The following BMPER variants were observed in gnomAD, a reference collection of about 807,000 sequenced individuals.
BMPER encodes the protein BMP-binding endothelial regulator protein.
BMPER carries 45 observed loss-of-function variants against 87.3 expected under a neutral mutation model. That is an observed-to-expected ratio of 0.52 (90% CI 0.41 to 0.66). The LOEUF is 0.66. Ranked by LOEUF, BMPER falls within the 30% of genes least tolerant of loss-of-function variation. The pLI is 0.00. For synonymous variants in BMPER, 326 were observed against 316.2 expected (o/e 1.03, Z -0.33); for missense variants, 784 against 867.5 (o/e 0.90, Z 1.21).
chr7:34,112,043 C>A (rs1371035844), intron 13 of BMPER, among the ~76,000 whole-genome samples: 3 of 152,136 alleles, frequency 2.0e-5, no homozygotes, highest in African/African-American at 7.2e-5. Flanking sequence ...CCATTGTTTT[C>A]TAGCATTTAT....
rs1035531740 is a variant in BMPER, at chr7:34,153,400, A to G, written c.*127A>G. On this transcript the variant is annotated 3_prime_UTR_variant, in exon 15 of 15. Transcript: ENST00000649409. ...ACACACACACAGAGTATATATGTGT[A>G]TATATATATAGATATATTCAAAAAC... is the stretch of plus-strand genomic sequence containing the variant. The G allele has an allele frequency of 8.7e-6, 7 of 809,220 alleles. No homozygotes were observed. The highest frequency in any genetic ancestry group is 5.2e-5 in the African/African-American group (3 of 58,030). 50.1% of individuals were successfully genotyped at this position (809,220 alleles called of 1,614,324 possible). A position where few individuals can be genotyped will look rare whatever the true frequency, so the allele number is the denominator to read the frequency against.
chr7:33,958,638 A>G (rs903969128), intron 3 of BMPER, among the ~76,000 whole-genome samples: 3 of 152,226 alleles, frequency 2.0e-5, no homozygotes, highest in African/African-American at 7.2e-5. Context: ...GCACAACTCA[A>G]ATAGTGAATG....
chr7:34,139,580 C>T (rs4141793), intron 13 of BMPER, among the ~76,000 whole-genome samples: 111,152 of 151,728 alleles, frequency 0.73, 41,652 homozygotes, highest in East Asian at 0.91. Flanking sequence ...GTAGAAAATA[C>T]AGGTAAGAAA....
At chr7:34,086,259 C>T (rs143247620) in intron 13 of BMPER, among the ~76,000 whole-genome samples, 167 bp downstream of exon 13, 41 of 152,322 alleles carry the variant, frequency 2.7e-4, no homozygotes, top group Non-Finnish European at 4.3e-4. Context: ...CAGCCCCATT[C>T]TAGGTCCCAA....
chr7:34,049,398 A>T (rs1788082653), intron 7 of BMPER, among the ~76,000 whole-genome samples: 1 of 152,216 alleles, frequency 6.6e-6, no homozygotes, highest in Admixed American at 6.5e-5. Context: ...GGATAAGCAC[A>T]TTGAAGAGTC....
intron 3 of BMPER, among the ~76,000 whole-genome samples, chr7:33,942,825 A>G (rs1289011514): frequency 6.6e-6 from 1 of 152,220 alleles, no homozygotes; most frequent in Non-Finnish European, 1.5e-5. Flanking sequence ...GAATGATTAA[A>G]AAAGAAATAA....
At chr7:33,912,842 C>T (rs1407780051) in intron 2 of BMPER, among the ~76,000 whole-genome samples, 1 of 152,152 alleles carries the variant, frequency 6.6e-6, no homozygotes, top group African/African-American at 2.4e-5. Context: ...TATAAAACAC[C>T]ACTCAAGGCA....
At chr7:34,097,735 G>T (rs1178622263) in intron 13 of BMPER, among the ~76,000 whole-genome samples, 2 of 152,004 alleles carry the variant, frequency 1.3e-5, no homozygotes, top group Non-Finnish European at 2.9e-5. Flanking sequence ...GGATCATGTG[G>T]GTGCCCAGAT....
At chr7:34,017,109 G>T (rs1418411459) in intron 6 of BMPER, among the ~76,000 whole-genome samples, 1 of 151,880 alleles carries the variant, frequency 6.6e-6, no homozygotes, top group Non-Finnish European at 1.5e-5. Flanking sequence ...GACTATGCTG[G>T]TTCTGTAGAG....
intron 2 of BMPER, among the ~76,000 whole-genome samples, chr7:33,908,168 C>T (rs74440882): frequency 5.9e-5 from 9 of 152,084 alleles, no homozygotes; most frequent in Non-Finnish European, 1.2e-4. Context: ...TAAATTTTGA[C>T]TCAGTTGTAG....
chr7:34,116,892 A>C (rs1790131441), intron 13 of BMPER, among the ~76,000 whole-genome samples: 1 of 152,104 alleles, frequency 6.6e-6, no homozygotes, highest in Admixed American at 6.6e-5. Context: ...TGGGAGGCTG[A>C]GGCAGGAGAA....
At chr7:34,146,239 C>T (rs1489694979) in intron 14 of BMPER, among the ~76,000 whole-genome samples, 1 of 152,072 alleles carries the variant, frequency 6.6e-6, no homozygotes, top group Non-Finnish European at 1.5e-5. Flanking sequence ...CACGACGGCA[C>T]TTGAGGCCAC....
intron 11 of BMPER, among the ~76,000 whole-genome samples, chr7:34,068,933 C>T (rs1788664976): frequency 6.6e-6 from 1 of 152,170 alleles, no homozygotes; most frequent in African/African-American, 2.4e-5. Context: ...TCTCCTAATC[C>T]AGTATTCATT....
At chr7:33,906,736 G>A in intron 1 of BMPER, 82 bp from the exon 2 acceptor site, 1 of 1,260,824 alleles carries the variant, frequency 7.9e-7, no homozygotes, top group South Asian at 1.2e-5. Context: ...GTTTCAAAAA[G>A]GATTAGTGTA....
At chr7:34,068,237 C>T (rs112586800) in intron 11 of BMPER, among the ~76,000 whole-genome samples, 9 of 152,284 alleles carry the variant, frequency 5.9e-5, no homozygotes, top group Non-Finnish European at 1.2e-4. Flanking sequence ...TTAAGAAGGA[C>T]GCTCAAGATA....
intron 13 of BMPER, among the ~76,000 whole-genome samples, chr7:34,128,286 C>T (rs932496903): frequency 6.6e-6 from 1 of 152,156 alleles, no homozygotes; most frequent in Non-Finnish European, 1.5e-5. Flanking sequence ...CACTTCCTAT[C>T]CTCCATGCCA....
chr7:34,028,644 C>CATTG (rs1470085443), intron 6 of BMPER, among the ~76,000 whole-genome samples: 3 of 38,636 alleles, frequency 7.8e-5, no homozygotes, highest in African/African-American at 3.0e-4. Context: ...GTAGCATTAC[C>CATTG]ATTGTCCTTT....
At chr7:34,131,429 A>G (rs1160432397) in intron 13 of BMPER, among the ~76,000 whole-genome samples, 1 of 152,140 alleles carries the variant, frequency 6.6e-6, no homozygotes, top group African/African-American at 2.4e-5. Flanking sequence ...AAAGTTCACC[A>G]CTGTACCGCA....
intron 13 of BMPER, among the ~76,000 whole-genome samples, chr7:34,098,627 T>C (rs1789597503): frequency 6.6e-6 from 1 of 152,104 alleles, no homozygotes; most frequent in African/African-American, 2.4e-5. Context: ...CCCCAGCAAA[T>C]GGCCCATCTG....
Sources: gnomAD v4.1 joint callset for allele counts (sites outside exome capture counted in the v4.1 genomes callset) on GRCh38, gnomAD v4.1.1 for gene constraint, MANE v1.5 for transcripts, NCBI Gene and HGNC (gene_info 2026-07-23, HGNC 2026-07-21) for gene names.